Variants in NIPAL2 observed in about 807,000 individuals in gnomAD.
NIPAL2 encodes NIPA-like protein 2.
In NIPAL2, 43 loss-of-function variants were observed where a neutral mutation model predicts 48.9. The observed-to-expected ratio is 0.88, with a 90% confidence interval of 0.69 to 1.13. The LOEUF is 1.13. Among genes scored for constraint, NIPAL2 ranks in the 50% most tolerant of loss-of-function variants. The pLI is 0.00. For synonymous variants in NIPAL2, 167 were observed against 174.6 expected (o/e 0.96, Z 0.34); for missense variants, 446 against 461.4 (o/e 0.97, Z 0.31).
At chr8:98,236,093 A>G in intron 4 of NIPAL2, 62 bp downstream of exon 4, 2 of 1,161,786 alleles carry the variant, frequency 1.7e-6, no homozygotes, top group Non-Finnish European at 1.3e-6. Context: ...TTTTTTATGG[A>G]TTGTATTATT....
intron 1 of NIPAL2, among the ~76,000 whole-genome samples, chr8:98,292,455 A>T (rs1476721857): frequency 6.6e-6 from 1 of 152,236 alleles, no homozygotes; most frequent in Admixed American, 6.5e-5. Context: ...TCAAACCAGC[A>T]AAGTTTAGAT....
At chr8:98,228,607 C>T (rs989808932) in intron 4 of NIPAL2, among the ~76,000 whole-genome samples, 2 of 152,152 alleles carry the variant, frequency 1.3e-5, no homozygotes, top group Non-Finnish European at 1.5e-5. Flanking sequence ...GAACTGAATA[C>T]GCTTCAAAGC....
In NIPAL2 at chr8:98,195,940, A is replaced by G. The variant is rs368002822; in HGVS notation, c.944+2T>C. ...TGCTTTACCTCTGAGACATTTACTC[A>G]CCCAAAAAGATATATAAATACAGTG... On this transcript the variant is annotated splice_donor_variant, in intron 9 of 10. Transcript: ENST00000430223. LOFTEE classifies it high-confidence loss of function. 8 of 1,568,080 alleles carry G rather than the reference A, an allele frequency of 5.1e-6. No individual in the cohort carries two copies. Among genetic ancestry groups the G allele is most frequent in the Admixed American group, 3.4e-5 (2 of 58,150 alleles).
chr8:98,244,238 T>TA (rs2130809444), intron 3 of NIPAL2, among the ~76,000 whole-genome samples: 1 of 137,256 alleles, frequency 7.3e-6, no homozygotes, highest in Admixed American at 7.4e-5. Context: ...GCCACAGTAA[T>TA]AAGGGGGATG....
chr8:98,274,774 CAT>C (rs1016786442), intron 1 of NIPAL2, among the ~76,000 whole-genome samples: 1 of 152,020 alleles, frequency 6.6e-6, no homozygotes, highest in African/African-American at 2.4e-5. Flanking sequence ...TGATTGTCAA[CAT>C]AGTTTCATTT....
intron 4 of NIPAL2, among the ~76,000 whole-genome samples, chr8:98,232,315 C>T (rs1432432485): frequency 6.6e-6 from 1 of 152,128 alleles, no homozygotes; most frequent in African/African-American, 2.4e-5. Context: ...TTATGAGTTA[C>T]ATAGCCCTAC....
rs189194071 is a variant in NIPAL2 at position 98,241,132 on chromosome 8, T to C, written c.377-4918A>G. 7.9e-4 allele frequency among the ~76,000 whole-genome samples: 120 copies of C among 152,354 alleles called. 1 individual carries two copies. The highest frequency in any genetic ancestry group is 3.4e-3 in the Middle Eastern group (1 of 292). Reference sequence around the variant, plus strand: ...TGTTTTCCAAGATGACCATGGTCTATGTGTGTAGGTATAACTGAAAACACC... The same window carrying C: ...TGTTTTCCAAGATGACCATGGTCTACGTGTGTAGGTATAACTGAAAACACC... On this transcript the variant is annotated intron_variant, in intron 3 of 10. Coordinates refer to ENST00000430223, the MANE Select transcript of NIPAL2 (RefSeq NM_001321635.2).
At chr8:98,196,272 C>G (rs887984116) in intron 8 of NIPAL2, among the ~76,000 whole-genome samples, 1 of 152,160 alleles carries the variant, frequency 6.6e-6, no homozygotes, top group Non-Finnish European at 1.5e-5. Flanking sequence ...GCAGAAATTT[C>G]TCATCCAGCC....
At chr8:98,260,287 G>A (rs1430729695) in intron 1 of NIPAL2, among the ~76,000 whole-genome samples, 3 of 152,162 alleles carry the variant, frequency 2.0e-5, no homozygotes, top group Non-Finnish European at 4.4e-5. Flanking sequence ...CAAGATGGCC[G>A]AATAGGAACA....
In NIPAL2 at chr8:98,234,678, G is replaced by A. The variant is rs189819624; in HGVS notation, c.436+1477C>T. On this transcript the variant is annotated intron_variant, in intron 4 of 10. Transcript: ENST00000430223. ...TCCTCCTGCCTCAGCCTCCCAAGTA[G>A]CTGGGACTACAAGTGCATGACACCA... 3.6e-3 allele frequency among the ~76,000 whole-genome samples: 542 copies of A among 150,756 alleles called. 2 individuals are homozygous for A. The highest frequency in any genetic ancestry group is 0.017 in the Middle Eastern group (5 of 286).
At chr8:98,280,761 T>TATATATATATAGAGAGAG in intron 1 of NIPAL2, among the ~76,000 whole-genome samples, 342 of 29,972 alleles carry the variant, frequency 0.011, 17 homozygotes, top group Middle Eastern at 0.02. Context: ...TATATATATA[T>TATATATATATAGAGAGAG]AGAGAGAGAG....
At chr8:98,283,905 CAG>C (rs1816002607) in intron 1 of NIPAL2, among the ~76,000 whole-genome samples, 1 of 152,186 alleles carries the variant, frequency 6.6e-6, no homozygotes. Flanking sequence ...TGATCTCTGC[CAG>C]AGACTCCTGA....
chr8:98,268,457 C>T (rs1412250130), intron 1 of NIPAL2, among the ~76,000 whole-genome samples: 1 of 151,822 alleles, frequency 6.6e-6, no homozygotes. Context: ...CCCATCTCTA[C>T]TAAATATATA....
At chr8:98,197,031 A>T (rs546845500) in intron 8 of NIPAL2, among the ~76,000 whole-genome samples, 71 of 151,686 alleles carry the variant, frequency 4.7e-4, no homozygotes, top group African/African-American at 1.7e-3. Flanking sequence ...GATATACCAT[A>T]ATATTCATTT....
At chr8:98,244,869 A>G (rs1002976675) in intron 3 of NIPAL2, among the ~76,000 whole-genome samples, 2 of 152,218 alleles carry the variant, frequency 1.3e-5, no homozygotes, top group African/African-American at 4.8e-5. Context: ...ACTCTGGTCT[A>G]CAGGCAAGTT....
chr8:98,292,079 T>C (rs967491875), intron 1 of NIPAL2, among the ~76,000 whole-genome samples: 1 of 152,230 alleles, frequency 6.6e-6, no homozygotes, highest in East Asian at 1.9e-4. Context: ...AATATTTTAG[T>C]TGTGATAAAA....
At chr8:98,287,754 G>A (rs535136858) in intron 1 of NIPAL2, among the ~76,000 whole-genome samples, 173 of 152,182 alleles carry the variant, frequency 1.1e-3, no homozygotes, top group Middle Eastern at 0.01. Context: ...AGAGAAAGCC[G>A]AGAAATGGAG....
chr8:98,242,013 C>G (rs1813004761), intron 3 of NIPAL2, among the ~76,000 whole-genome samples: 1 of 152,044 alleles, frequency 6.6e-6, no homozygotes, highest in African/African-American at 2.4e-5. Flanking sequence ...AGGTAATACA[C>G]CATTGGTATA....
intron 8 of NIPAL2, among the ~76,000 whole-genome samples, chr8:98,200,177 C>T (rs192268496): frequency 5.6e-4 from 85 of 152,212 alleles, no homozygotes; most frequent in African/African-American, 1.9e-3. Flanking sequence ...TTTACCATCT[C>T]GATCTTTTGT....
Sources: gnomAD v4.1 joint callset for allele counts (sites outside exome capture counted in the v4.1 genomes callset) on GRCh38, gnomAD v4.1.1 for gene constraint, MANE v1.5 for transcripts, NCBI Gene and HGNC (gene_info 2026-07-23, HGNC 2026-07-21) for gene names.